DRGX: variants seen among roughly 807,000 people sequenced by gnomAD.
DRGX encodes dorsal root ganglia homeobox.
In DRGX, 21 loss-of-function variants were observed where a neutral mutation model predicts 28.6. The ratio of observed to expected loss-of-function variants is 0.73; its 90% confidence interval spans 0.52 to 1.06. The LOEUF is 1.06. DRGX is among the 50% of genes least tolerant of loss of function. The pLI, the probability that DRGX is intolerant of heterozygous loss-of-function variation, is 0.00. For synonymous variants in DRGX, 136 were observed against 139.1 expected (o/e 0.98, Z 0.16); for missense variants, 354 against 343.9 (o/e 1.03, Z -0.23).
chr10:49,381,326 C>T (rs7916121), intron 6 of DRGX, among the ~76,000 whole-genome samples: 17,464 of 152,266 alleles, frequency 0.11, 1,098 homozygotes, highest in Middle Eastern at 0.2. Flanking sequence ...CTCCACCTGG[C>T]CAGCCTCATT....
At chr10:49,371,841 TCCCAGCTACTA>T (rs1849662947) in intron 6 of DRGX, among the ~76,000 whole-genome samples, 1 of 148,372 alleles carries the variant, frequency 6.7e-6, no homozygotes, top group South Asian at 2.2e-4. Context: ...ACAGTTGTAG[TCCCAGCTACTA>T]GGACCCTCAC....
intron 6 of DRGX, among the ~76,000 whole-genome samples, chr10:49,372,197 C>T (rs1403104567): frequency 6.6e-6 from 1 of 152,088 alleles, no homozygotes; most frequent in Non-Finnish European, 1.5e-5. Context: ...CTGAGTTGGC[C>T]GTGAGAGGAG....
intron 6 of DRGX, among the ~76,000 whole-genome samples, chr10:49,379,598 C>G (rs899245637): frequency 2.0e-5 from 3 of 152,178 alleles, no homozygotes; most frequent in Non-Finnish European, 4.4e-5. Context: ...GACACTTCAG[C>G]CTGGCCTGGA....
chr10:49,370,360 G>A (rs893103008), intron 6 of DRGX, among the ~76,000 whole-genome samples: 5 of 152,138 alleles, frequency 3.3e-5, no homozygotes, highest in African/African-American at 7.2e-5. Flanking sequence ...AGCCAAGATC[G>A]TGCCACTGCA....
chr10:49,383,067 C>T (rs1849794960), intron 6 of DRGX, among the ~76,000 whole-genome samples: 4 of 152,194 alleles, frequency 2.6e-5, no homozygotes, highest in Admixed American at 1.3e-4. Context: ...CTGCTGACTC[C>T]AAGGCAGCCC....
At chr10:49,395,287 G>A (rs1849954398) in intron 2 of DRGX, 120 bp downstream of exon 2, 3 of 1,273,028 alleles carry the variant, frequency 2.4e-6, no homozygotes, top group South Asian at 1.3e-5. Context: ...CCTACTCACC[G>A]GCAGGCGGCT....
intron 6 of DRGX, among the ~76,000 whole-genome samples, chr10:49,382,086 A>T (rs1454281647): frequency 6.6e-6 from 1 of 151,854 alleles, no homozygotes; most frequent in Admixed American, 6.6e-5. Context: ...TAGATTTATG[A>T]CTGTCACTAC....
intron 6 of DRGX, among the ~76,000 whole-genome samples, chr10:49,370,002 T>C (rs1849638992): frequency 6.6e-6 from 1 of 152,016 alleles, no homozygotes; most frequent in African/African-American, 2.4e-5. Flanking sequence ...CTAAGGAAGC[T>C]TCGCAGGGTT....
intron 6 of DRGX, among the ~76,000 whole-genome samples, chr10:49,374,916 C>G (rs113985753): frequency 1.3e-3 from 193 of 152,244 alleles, no homozygotes; most frequent in African/African-American, 4.4e-3. Flanking sequence ...ATTTATGAGA[C>G]GTCTAACGCA....
At chr10:49,395,302 C>A (rs915875657) in intron 2 of DRGX, 105 bp downstream of exon 2, 3 of 1,425,782 alleles carry the variant, frequency 2.1e-6, no homozygotes, top group Non-Finnish European at 2.9e-6. Context: ...GCGGCTGCGC[C>A]CCCCGCAGGG....
intron 6 of DRGX, among the ~76,000 whole-genome samples, chr10:49,386,172 A>T (rs1381755517): frequency 6.6e-6 from 1 of 152,154 alleles, no homozygotes; most frequent in Non-Finnish European, 1.5e-5. Context: ...GTTGGCACCT[A>T]ACACTGTTAC....
At chr10:49,391,949 C>T (rs1036407719) in intron 2 of DRGX, 3 of 462,834 alleles carry the variant, frequency 6.5e-6, no homozygotes, top group African/African-American at 6.0e-5. Flanking sequence ...AACAAGGCCA[C>T]TCTCAAAGGG....
At chr10:49,371,042 G>A (rs1257191829) in intron 6 of DRGX, among the ~76,000 whole-genome samples, 2 of 152,208 alleles carry the variant, frequency 1.3e-5, no homozygotes, top group African/African-American at 4.8e-5. Context: ...GAACTACAGT[G>A]ATCTCGGCAC....
At chr10:49,369,991 C>A (rs975204098) in intron 6 of DRGX, among the ~76,000 whole-genome samples, 1 of 152,042 alleles carries the variant, frequency 6.6e-6, no homozygotes, top group Admixed American at 6.5e-5. Flanking sequence ...CGGGCCTTTG[C>A]CTAAGGAAGC....
At chr10:49,369,974 C>G (rs1849637746) in intron 6 of DRGX, among the ~76,000 whole-genome samples, 1 of 152,086 alleles carries the variant, frequency 6.6e-6, no homozygotes, top group Admixed American at 6.5e-5. Flanking sequence ...CAACCCACCG[C>G]ACTCACCGGG....
chr10:49,369,018 A>C (rs1564704094), intron 6 of DRGX, among the ~76,000 whole-genome samples: 1 of 152,142 alleles, frequency 6.6e-6, no homozygotes, highest in East Asian at 1.9e-4. Flanking sequence ...GGCTGGTATT[A>C]ACCCAGTCAA....
chr10:49,382,793 A>C (rs986852085), intron 6 of DRGX, among the ~76,000 whole-genome samples: 1 of 152,080 alleles, frequency 6.6e-6, no homozygotes, highest in African/African-American at 2.4e-5. Context: ...CATTCCCTAC[A>C]CCCAGAATCC....
At chr10:49,386,970 C>A in intron 4 of DRGX, 112 bp from the exon 5 acceptor site, 1 of 1,280,536 alleles carries the variant, frequency 7.8e-7, no homozygotes, top group Non-Finnish European at 1.0e-6. Context: ...CCTCTCCACA[C>A]CATGCCCTCT....
At chr10:49,391,636 A>T (rs1454424985) in intron 2 of DRGX, among the ~76,000 whole-genome samples, 1 of 151,966 alleles carries the variant, frequency 6.6e-6, no homozygotes. Context: ...CCTACTCCAG[A>T]TCCTTTAATA....
Sources: gnomAD v4.1 joint callset for allele counts (sites outside exome capture counted in the v4.1 genomes callset) on GRCh38, gnomAD v4.1.1 for gene constraint, MANE v1.5 for transcripts, NCBI Gene and HGNC (gene_info 2026-07-23, HGNC 2026-07-21) for gene names.